PPP2R5C: variants seen among roughly 807,000 people sequenced by gnomAD.
PPP2R5C encodes protein phosphatase 2 regulatory subunit B'gamma.
PPP2R5C carries 7 observed loss-of-function variants against 68.9 expected under a neutral mutation model. The observed-to-expected ratio is 0.10, with a 90% confidence interval of 0.06 to 0.19. PPP2R5C has a LOEUF of 0.19. PPP2R5C is among the 10% of genes least tolerant of loss of function. The probability of loss-of-function intolerance (pLI) is 1.00; values close to 1 mark genes in which losing one functional copy is unlikely to be tolerated. For missense variants in PPP2R5C, 348 were observed against 641.3 expected, an observed-to-expected ratio of 0.54 and a Z score of 4.94; for synonymous variants, 210 against 222.2, an observed-to-expected ratio of 0.95 and a Z score of 0.49.
intron 6 of PPP2R5C, among the ~76,000 whole-genome samples, chr14:101,892,020 G>A (rs376138282): frequency 1.3e-5 from 2 of 152,266 alleles, no homozygotes; most frequent in African/African-American, 2.4e-5. Context: ...GCAGTGGCCC[G>A]ATCTCAGCTC....
At chr14:101,841,585 C>A (rs1185277674) in intron 1 of PPP2R5C, among the ~76,000 whole-genome samples, 1 of 152,222 alleles carries the variant, frequency 6.6e-6, no homozygotes, top group African/African-American at 2.4e-5. Context: ...AGCGGTCAGT[C>A]CTCACCTGAG....
chr14:101,789,954 T>C (rs1265118510), intron 3 of PPP2R5C: 4 of 151,770 alleles, frequency 2.6e-5, no homozygotes, highest in Non-Finnish European at 5.9e-5. Flanking sequence ...GGTCATTGTT[T>C]AATGCACCTT....
At chr14:101,857,958 T>C (rs1383782082) in intron 2 of PPP2R5C, among the ~76,000 whole-genome samples, 2 of 152,228 alleles carry the variant, frequency 1.3e-5, no homozygotes, top group East Asian at 1.9e-4. Context: ...ATGTTCTTCG[T>C]TGTAGTTCAG....
intron 8 of PPP2R5C, among the ~76,000 whole-genome samples, chr14:101,894,937 T>C (rs1304244321): frequency 2.0e-5 from 3 of 152,148 alleles, no homozygotes; most frequent in African/African-American, 7.2e-5. Flanking sequence ...ATAGTTAGGG[T>C]TTGAAATTAT....
At chr14:101,926,957 G>A (rs1490713839) in exon 14 of PPP2R5C, 1 of 152,016 alleles carries the variant, frequency 6.6e-6, no homozygotes, top group Non-Finnish European at 1.5e-5. Flanking sequence ...TACTTCCTGA[G>A]AAACTTGACA....
At chr14:101,887,878 G>T (rs1334173857) in intron 5 of PPP2R5C, among the ~76,000 whole-genome samples, 1 of 152,128 alleles carries the variant, frequency 6.6e-6, no homozygotes, top group Non-Finnish European at 1.5e-5. Flanking sequence ...AGTGTCTGGG[G>T]GGTCTGATTC....
chr14:101,794,624 A>G (rs1274631324), intron 3 of PPP2R5C, among the ~76,000 whole-genome samples: 1 of 152,180 alleles, frequency 6.6e-6, no homozygotes, highest in African/African-American at 2.4e-5. Flanking sequence ...CTCTAAGAGT[A>G]TGCTATGACT....
At chr14:101,788,425 A>G (rs1181474412) in intron 3 of PPP2R5C, among the ~76,000 whole-genome samples, 1 of 152,226 alleles carries the variant, frequency 6.6e-6, no homozygotes, top group Non-Finnish European at 1.5e-5. Context: ...GGCAGAGCCC[A>G]TGCAAGTACC....
intron 3 of PPP2R5C, chr14:101,796,555 G>A (rs1399481062): frequency 6.5e-6 from 1 of 153,262 alleles, no homozygotes; most frequent in Non-Finnish European, 1.5e-5. Flanking sequence ...GCCCCTCTAA[G>A]CCACAGAGAG....
chr14:101,769,911 A>G lies in PPP2R5C; in HGVS notation c.93+6941A>G, dbSNP rs139129953. The stretch of plus-strand genomic sequence containing the variant: ...GTTGTTGTTTTGTAAACATGATGGC[A>G]TGTGCTTAACACAAACCTAGGTGGT... On this transcript the variant is annotated intron_variant, in intron 2 of 14. Coordinates refer to the PPP2R5C transcript ENST00000328724. 2.3e-3 allele frequency among the ~76,000 whole-genome samples: 358 copies of G among 152,348 alleles called. 3 individuals are homozygous for G. Among genetic ancestry groups the G allele is most frequent in the Middle Eastern group, 0.014 (4 of 294 alleles).
intron 9 of PPP2R5C, among the ~76,000 whole-genome samples, chr14:101,903,529 G>A (rs898494775): frequency 6.6e-6 from 1 of 152,196 alleles, no homozygotes; most frequent in Non-Finnish European, 1.5e-5. Flanking sequence ...TCAGCTGCAG[G>A]CCCAGCCCCC....
At chr14:101,816,872 AT>A (rs1302141670) in intron 1 of PPP2R5C, among the ~76,000 whole-genome samples, 2 of 138,416 alleles carry the variant, frequency 1.4e-5, no homozygotes, top group Non-Finnish European at 3.0e-5. Context: ...ATATTTATTT[AT>A]ATATATATTA....
chr14:101,899,837 G>C lies in PPP2R5C; in HGVS notation c.853-1882G>C, dbSNP rs1203427490. 6.6e-6 allele frequency among the ~76,000 whole-genome samples: 1 copy of C among 150,628 alleles called. No individual in the cohort carries two copies. Among genetic ancestry groups the C allele is most frequent in the Non-Finnish European group, 1.5e-5 (1 of 66,930 alleles). ...GAAATAATTCCTTTTAAAGACACTT[G>C]TATGGTAGATTTTTATGTCAGACTT... is the stretch of plus-strand genomic sequence containing the variant. On this transcript the variant is annotated intron_variant, in intron 8 of 13. Transcript: ENST00000334743. The surrounding 1 kb of genome is among the most constrained non-coding windows in gnomAD (Gnocchi z 4.2).
At chr14:101,773,797 C>T (rs1291819645) in intron 2 of PPP2R5C, among the ~76,000 whole-genome samples, 1 of 152,142 alleles carries the variant, frequency 6.6e-6, no homozygotes, top group African/African-American at 2.4e-5. Context: ...TGGGCTCAAG[C>T]AATCCTCCCT....
Position 101,903,377 on chromosome 14 carries a change from C to T in PPP2R5C, c.1023+1488C>T, listed in dbSNP as rs927535157. 4.6e-5 allele frequency among the ~76,000 whole-genome samples: 7 copies of T among 152,270 alleles called. No homozygotes were observed. The East Asian group carries it at 9.7e-4, about 21-fold the overall frequency. ...GTGGGGAAAGCAGAGCCAAGGTGGC[C>T]GCGCAGCTGCCAGTGGCTTGGGTGC... On this transcript the variant is annotated intron_variant, in intron 9 of 13. Transcript: ENST00000334743.
At chr14:101,853,333 A>G (rs1382417989) in intron 1 of PPP2R5C, among the ~76,000 whole-genome samples, 1 of 152,190 alleles carries the variant, frequency 6.6e-6, no homozygotes, top group Non-Finnish European at 1.5e-5. Context: ...TGAGATTATA[A>G]TCACAGGCAT....
In PPP2R5C at chr14:101,879,691, T is replaced by G. The variant is rs763828424; in HGVS notation, c.295-2470T>G. Among the ~76,000 whole-genome samples the G allele has an allele frequency of 6.6e-6, 1 of 152,116 alleles. No individual in the cohort carries two copies. Among genetic ancestry groups the G allele is most frequent in the Non-Finnish European group, 1.5e-5 (1 of 68,006 alleles). ...AGAACAAAGTGCCATCTCCCTTTCC[T>G]GAAGGTGACCCTGTCCTGTGGGTGA... On this transcript the variant is annotated intron_variant, in intron 2 of 13. Transcript: ENST00000334743. This position sits in a 1 kb window ranked among gnomAD's most constrained non-coding sequence, Gnocchi z 4.2.
Position 101,917,641 on chromosome 14 carries a change from G to A in PPP2R5C, c.1327-190G>A, listed in dbSNP as rs1346867763. ...GACCAGCTGCTTTACTGTCTCCACT[G>A]AGTGCTTTCTGGTTTCAGAAGTCAG... On this transcript the variant is annotated intron_variant, in intron 12 of 13. Transcript: ENST00000334743. The surrounding 1 kb of genome is among the most constrained non-coding windows in gnomAD (Gnocchi z 4.4). The A allele has an allele frequency of 6.2e-6, 4 of 641,022 alleles. No individual in the cohort carries two copies. The East Asian group carries it at 8.9e-5, about 14-fold the overall frequency. The allele number at this position is 641,022 out of a possible 1,614,324, so 39.7% of individuals were successfully genotyped here.
chr14:101,833,378 G>A (rs965691364), intron 1 of PPP2R5C: 2 of 152,218 alleles, frequency 1.3e-5, no homozygotes, highest in Admixed American at 1.3e-4. Flanking sequence ...TTGGTCAAAT[G>A]TTTGAAGAAG....
Sources: gnomAD v4.1 joint callset for allele counts (sites outside exome capture counted in the v4.1 genomes callset) on GRCh38, gnomAD v4.1.1 for gene constraint, Gnocchi (gnomAD v3.1) non-coding constraint, MANE v1.5 for transcripts, NCBI Gene and HGNC (gene_info 2026-07-23, HGNC 2026-07-21) for gene names.